DNAJB1: variants seen among roughly 807,000 people sequenced by gnomAD.
DNAJB1 encodes the protein dnaJ homolog subfamily B member 1.
DNAJB1 carries 14 observed loss-of-function variants against 24.0 expected under a neutral mutation model. The observed-to-expected ratio is 0.58, with a 90% CI of 0.39 to 0.91. The LOEUF is 0.91. DNAJB1 is among the 40% of genes least tolerant of loss of function. The pLI is 0.00. For synonymous variants in DNAJB1, 262 were observed against 174.4 expected (o/e 1.50, Z -3.96); for missense variants, 517 against 458.1 (o/e 1.13, Z -1.17).
intron 1 of DNAJB1, among the ~76,000 whole-genome samples, chr19:14,539,134 C>T (rs902653096): frequency 3.6e-4 from 52 of 142,658 alleles, no homozygotes; most frequent in Admixed American, 2.9e-4. Context: ...CCACCACGCC[C>T]GGCTAATTTT....
intron 1 of DNAJB1, among the ~76,000 whole-genome samples, chr19:14,543,771 C>G (rs924252555): frequency 2.0e-5 from 3 of 148,480 alleles, no homozygotes; most frequent in African/African-American, 7.5e-5. Flanking sequence ...CAGAGTCTCC[C>G]TTTGTTGCCC....
chr19:14,544,720 A>G (rs575267303), intron 1 of DNAJB1, among the ~76,000 whole-genome samples: 2 of 150,506 alleles, frequency 1.3e-5, no homozygotes, highest in East Asian at 2.0e-4. Flanking sequence ...TGCAACTCCA[A>G]CTCCTGGGTT....
At chr19:14,556,401 ACTCT>A (rs1228730062) in intron 1 of DNAJB1, among the ~76,000 whole-genome samples, 3 of 146,964 alleles carry the variant, frequency 2.0e-5, no homozygotes, top group Non-Finnish European at 4.5e-5. Flanking sequence ...CGACAGCGAG[ACTCT>A]CTCAAAAAAA....
upstream of DNAJB1, among the ~76,000 whole-genome samples, chr19:14,519,374 TAAATA>T (rs552444796): frequency 1.6e-3 from 242 of 152,138 alleles, 1 homozygote; most frequent in African/African-American, 5.4e-3. Flanking sequence ...GTCTCATAAA[TAAATA>T]AAATAAGTAA....
At chr19:14,535,601 T>TAA (rs2146559738) in intron 1 of DNAJB1, among the ~76,000 whole-genome samples, 1 of 87,546 alleles carries the variant, frequency 1.1e-5, no homozygotes, top group Admixed American at 1.5e-4. Context: ...TATGTATATA[T>TAA]AAATTAGCCA....
At chr19:14,520,674 G>A (rs1440284781), upstream of DNAJB1, among the ~76,000 whole-genome samples, 1 of 152,116 alleles carries the variant, frequency 6.6e-6, no homozygotes, top group Non-Finnish European at 1.5e-5. Flanking sequence ...CAATTATGGG[G>A]AGAGAGAACT....
upstream of DNAJB1, among the ~76,000 whole-genome samples, chr19:14,552,097 C>T (rs1182238786): frequency 1.3e-5 from 2 of 151,390 alleles, no homozygotes; most frequent in African/African-American, 2.4e-5. Flanking sequence ...CCTTGGCCTC[C>T]CAAAGTGCTG....
intron 2 of DNAJB1, among the ~76,000 whole-genome samples, chr19:14,523,548 A>T (rs2072385637): frequency 6.6e-6 from 1 of 151,206 alleles, no homozygotes; most frequent in Admixed American, 6.6e-5. Flanking sequence ...TCCTGATCTC[A>T]TGATCCACCC....
At chr19:14,526,969 C>T (rs902554648) in intron 2 of DNAJB1, among the ~76,000 whole-genome samples, 3 of 151,640 alleles carry the variant, frequency 2.0e-5, no homozygotes, top group Admixed American at 6.6e-5. Context: ...TTTGGGAGGC[C>T]GAGGAGGGAG....
exon 1 of DNAJB1, chr19:14,529,298 A>G (rs1236842116): frequency 5.2e-6 from 2 of 385,004 alleles, no homozygotes; most frequent in East Asian, 5.6e-5. Context: ...CGTCTGGCCT[A>G]ACCGTCGCTT....
chr19:14,517,833 G>T, intron 1 of DNAJB1: 1 of 291,012 alleles, frequency 3.4e-6, no homozygotes, highest in Non-Finnish European at 6.4e-6. Flanking sequence ...CGTCCCCGTC[G>T]TCACCCCCGG....
chr19:14,551,299 T>C (rs548586996), upstream of DNAJB1, among the ~76,000 whole-genome samples: 1 of 151,990 alleles, frequency 6.6e-6, no homozygotes, highest in African/African-American at 2.4e-5. Flanking sequence ...ACTCTCGAAC[T>C]CCTGACCTCA....
chr19:14,554,341 GT>G (rs1321687237), upstream of DNAJB1, among the ~76,000 whole-genome samples: 1 of 152,184 alleles, frequency 6.6e-6, no homozygotes, highest in African/African-American at 2.4e-5. Flanking sequence ...GAAGTTTCAG[GT>G]TCATAAGCCA....
chr19:14,518,611 C>T (rs997997266), upstream of DNAJB1, among the ~76,000 whole-genome samples: 2 of 152,132 alleles, frequency 1.3e-5, no homozygotes, highest in Non-Finnish European at 2.9e-5. Context: ...GGCAACACCT[C>T]CCCGCGGCGC....
intron 1 of DNAJB1, 117 bp from the exon 2 acceptor site, chr19:14,517,163 G>T (rs1424699014): frequency 1.9e-6 from 2 of 1,063,056 alleles, no homozygotes; most frequent in African/African-American, 1.6e-5. Context: ...GTCTGTCAGG[G>T]GAGAGCAAGG....
intron 2 of DNAJB1, among the ~76,000 whole-genome samples, chr19:14,524,516 G>A (rs1292644845): frequency 6.6e-6 from 1 of 151,848 alleles, no homozygotes; most frequent in Non-Finnish European, 1.5e-5. Flanking sequence ...GTGAGACCCT[G>A]TCTCAAAAAT....
chr19:14,529,455 G>C, upstream of DNAJB1: 1 of 641,366 alleles, frequency 1.6e-6, no homozygotes, highest in Non-Finnish European at 2.8e-6. Context: ...CTCGCAAGTT[G>C]ATTGGTCAAT....
chr19:14,556,925 T>G (rs1257577316), intron 1 of DNAJB1, among the ~76,000 whole-genome samples: 2 of 151,968 alleles, frequency 1.3e-5, no homozygotes, highest in Non-Finnish European at 2.9e-5. Context: ...ATCTCGCTAT[T>G]GTTAGGGTTT....
At chr19:14,542,347 G>GGTTTTTTTTTTTTT (rs2073124658) in intron 1 of DNAJB1, among the ~76,000 whole-genome samples, 3 of 43,284 alleles carry the variant, frequency 6.9e-5, no homozygotes, top group Admixed American at 3.6e-4. Context: ...ATGCCATAGT[G>GGTTTTTTTTTTTTT]TTTTTTTTTT....
Sources: allele counts gnomAD v4.1 joint callset (sites outside exome capture counted in the v4.1 genomes callset), GRCh38; gene constraint gnomAD v4.1.1; transcripts MANE v1.5; gene names NCBI Gene and HGNC (gene_info 2026-07-23, HGNC 2026-07-21).